The following KLF12 variants were observed in gnomAD, a reference collection of about 807,000 sequenced individuals.
The protein encoded by KLF12 is Krueppel-like factor 12.
In KLF12, 9 loss-of-function variants were observed where a neutral mutation model predicts 37.8. The ratio of observed to expected loss-of-function variants is 0.24; its 90% CI spans 0.14 to 0.42. The LOEUF (loss-of-function observed/expected upper bound fraction) is 0.42, where lower values mean the gene tolerates loss of function less well. KLF12 is among the 10% of genes least tolerant of loss of function. The pLI is 1.00. For synonymous variants in KLF12, 208 were observed against 202.1 expected, an observed-to-expected ratio of 1.03 and a Z score of -0.25; for missense variants, 411 against 516.0, an observed-to-expected ratio of 0.80 and a Z score of 1.97.
chr13:74,256,767 A>G, the KLF12 span, among the ~76,000 whole-genome samples: 5 of 151,646 alleles, frequency 3.3e-5, no homozygotes, highest in Non-Finnish European at 5.9e-5. Flanking sequence ...ACGGCCTACT[A>G]TTTGCAGACT....
the KLF12 span, among the ~76,000 whole-genome samples, chr13:74,176,396 C>T: frequency 5.9e-5 from 9 of 152,156 alleles, no homozygotes; most frequent in Non-Finnish European, 1.2e-4. Flanking sequence ...GACATTATCC[C>T]GGAAGACTTC....
chr13:74,004,551 C>T (rs889206041), intron 1 of KLF12, among the ~76,000 whole-genome samples: 4 of 152,124 alleles, frequency 2.6e-5, no homozygotes, highest in Admixed American at 6.5e-5. Context: ...TCATGCAATG[C>T]ACAACAGTGT....
chr13:74,081,381 T>A (rs1874874576), intron 1 of KLF12, among the ~76,000 whole-genome samples: 1 of 152,234 alleles, frequency 6.6e-6, no homozygotes, highest in African/African-American at 2.4e-5. Flanking sequence ...TCGTCTTTTA[T>A]AAAAATTACC....
chr13:73,947,175 A>G (rs1890463309), intron 2 of KLF12, among the ~76,000 whole-genome samples: 1 of 152,242 alleles, frequency 6.6e-6, no homozygotes, highest in African/African-American at 2.4e-5. Context: ...TTGTATATTT[A>G]TAACAAACAT....
the KLF12 span, among the ~76,000 whole-genome samples, chr13:74,234,758 AG>A: frequency 1.3e-5 from 2 of 152,054 alleles, no homozygotes; most frequent in African/African-American, 2.4e-5. Context: ...AAAAAAAAAA[AG>A]CTTCGGAGAT....
chr13:73,946,829 C>A (rs1245742742), intron 2 of KLF12, among the ~76,000 whole-genome samples: 1 of 152,192 alleles, frequency 6.6e-6, no homozygotes, highest in African/African-American at 2.4e-5. Context: ...TAACCTCAAT[C>A]CTCATAAACA....
intron 1 of KLF12, among the ~76,000 whole-genome samples, chr13:73,997,858 G>A (rs1352597689): frequency 6.6e-6 from 1 of 152,094 alleles, no homozygotes; most frequent in Non-Finnish European, 1.5e-5. Context: ...ATGAAAAATA[G>A]CAAGGCATAA....
chr13:74,213,221 A>C, the KLF12 span, among the ~76,000 whole-genome samples: 1 of 152,070 alleles, frequency 6.6e-6, no homozygotes, highest in African/African-American at 2.4e-5. Context: ...ACTTAACAAT[A>C]TACTGTGGTC....
At position 74,041,834 on chromosome 13, in the gene KLF12, T is replaced by A. The variant is rs544725386; in HGVS notation, c.-31-46781A>T. On this transcript the variant is annotated intron_variant, in intron 1 of 7. Coordinates refer to ENST00000377669, the MANE Select transcript of KLF12 (RefSeq NM_007249.5). ...TTGGTCTAATATTTCCTCTACTACA[T>A]TATTGTGTGAAGGTATTCAAGCTAT... Among the ~76,000 whole-genome samples the A allele has an allele frequency of 7.2e-5, 11 of 152,164 alleles. No individual in the cohort carries two copies. The South Asian group carries it at 2.3e-3, about 32-fold the overall frequency.
chr13:74,152,885 GATAATAATAATA>G, the KLF12 span, among the ~76,000 whole-genome samples: 52,947 of 138,876 alleles, frequency 0.38, 12,427 homozygotes, highest in East Asian at 0.73. Flanking sequence ...CCCCATTACA[GATAATAATAATA>G]ATAATAATAA....
the KLF12 span, among the ~76,000 whole-genome samples, chr13:74,226,030 A>C: frequency 6.6e-6 from 1 of 152,156 alleles, no homozygotes; most frequent in Non-Finnish European, 1.5e-5. Flanking sequence ...TGCTCTACCC[A>C]GGAGTTTGAG....
At chr13:73,761,400 A>G (rs1879537868) in intron 6 of KLF12, among the ~76,000 whole-genome samples, 1 of 152,190 alleles carries the variant, frequency 6.6e-6, no homozygotes, top group Non-Finnish European at 1.5e-5. Context: ...TCTACCAGGA[A>G]GGGCAAGGCA....
chr13:74,072,364 AATATATATATATATATATATATATAT>A lies in KLF12; in HGVS notation c.-32+61349_-32+61374del, dbSNP rs773653636. Among the ~76,000 whole-genome samples, 30 of 63,064 alleles carry A rather than the reference AATATATATATATATATATATATATAT, an allele frequency of 4.8e-4. 2 individuals carry two copies. The highest frequency in any genetic ancestry group is 4.3e-3 in the East Asian group (4 of 922). 41.4% of individuals were successfully genotyped at this position (63,064 alleles called of 152,430 possible). A position where few individuals can be genotyped will look rare whatever the true frequency, so the allele number is the denominator to read the frequency against. On this transcript the variant is annotated intron_variant, in intron 1 of 7. Transcript: ENST00000377669. ...ATCTTTTTAAGAATTAAGAAATACA[AATATATATATATATATATATATATAT>A]ATATATATATATATATAAAAGATTA...
chr13:74,038,580 A>T (rs1188267633), intron 1 of KLF12, among the ~76,000 whole-genome samples: 1 of 151,748 alleles, frequency 6.6e-6, no homozygotes, highest in East Asian at 2.0e-4. Context: ...ATTAAAGCAA[A>T]TGTATTTGTC....
At chr13:74,033,432 G>T (rs1388361668) in intron 1 of KLF12, among the ~76,000 whole-genome samples, 1 of 152,010 alleles carries the variant, frequency 6.6e-6, no homozygotes, top group African/African-American at 2.4e-5. Context: ...TATAAGATAG[G>T]GCTAATAATA....
chr13:73,972,394 A>T (rs1891374463), intron 2 of KLF12, among the ~76,000 whole-genome samples: 1 of 151,970 alleles, frequency 6.6e-6, no homozygotes, highest in African/African-American at 2.4e-5. Context: ...TTATCAATAC[A>T]ATTGAATAAT....
intron 1 of KLF12, among the ~76,000 whole-genome samples, chr13:74,031,740 A>G (rs1031977191): frequency 2.6e-5 from 4 of 152,158 alleles, no homozygotes; most frequent in African/African-American, 9.7e-5. Flanking sequence ...GTTACTTGAA[A>G]GATTAAATTA....
At position 73,768,804 on chromosome 13, in the gene KLF12, G is replaced by A. The variant is rs182893831; in HGVS notation, c.807-3804C>T. On this transcript the variant is annotated intron_variant, in intron 5 of 7. Transcript: ENST00000377669. ...CTTAGAAGATTAGGTAACTTGCTGG[G>A]GTCACGTAGGTAGTAAAGAGAAAAG... Among the ~76,000 whole-genome samples, 4 of 152,176 alleles carry A rather than the reference G, an allele frequency of 2.6e-5. No homozygotes were observed. In the East Asian group the frequency reaches 7.7e-4, roughly 29 times the overall value.
At chr13:73,796,893 G>A (rs1412818403) in intron 5 of KLF12, among the ~76,000 whole-genome samples, 1 of 152,000 alleles carries the variant, frequency 6.6e-6, no homozygotes, top group African/African-American at 2.4e-5. Context: ...CAACATGCAA[G>A]AATCTCAAAA....
Sources: gnomAD v4.1 joint callset for allele counts (sites outside exome capture counted in the v4.1 genomes callset) on GRCh38, gnomAD v4.1.1 for gene constraint, MANE v1.5 for transcripts, NCBI Gene and HGNC (gene_info 2026-07-23, HGNC 2026-07-21) for gene names.